NSDHL: variants seen among roughly 807,000 people sequenced by gnomAD.
NSDHL encodes the protein NAD(P) dependent 3-beta-hydroxysteroid dehydrogenase NSDHL.
A neutral mutation model predicts 23.0 loss-of-function variants in NSDHL; 1 was observed. The observed-to-expected ratio is 0.04, with a 90% CI of 0.02 to 0.21. NSDHL has a LOEUF of 0.21. NSDHL is among the 10% of genes least tolerant of loss of function. The pLI is 1.00. For missense variants in NSDHL, 237 were observed against 300.9 expected, an observed-to-expected ratio of 0.79 and a Z score of 1.57; for synonymous variants, 128 against 121.1, an observed-to-expected ratio of 1.06 and a Z score of -0.37.
intron 1 of NSDHL, among the ~76,000 whole-genome samples, chrX:152,834,761 C>G (rs145225683): frequency 7.2e-4 from 81 of 112,644 alleles, no homozygotes; most frequent in African/African-American, 2.6e-3. Flanking sequence ...CTTTTATAAT[C>G]CAAGGCTTAG....
chrX:152,846,266 T>A lies in NSDHL; in HGVS notation c.-43-16T>A, dbSNP rs1218497630. On this transcript the variant is annotated splice_polypyrimidine_tract_variant and intron_variant, in intron 1 of 7. Transcript: ENST00000370274. ...CTTAGGCAACATTAATGTCTGTCTC[T>A]AACTATGTCTTTAAGAAAAGAAAAG... is the stretch of plus-strand genomic sequence containing the variant. The A allele has an allele frequency of 1.1e-6, 1 of 884,268 alleles. No homozygotes were observed. Among genetic ancestry groups the A allele is most frequent in the African/African-American group, 2.0e-5 (1 of 51,207 alleles). The allele number at this position is 884,268 out of a possible 1,213,427, so 72.9% of individuals were successfully genotyped here. A position where few individuals can be genotyped will look rare whatever the true frequency, so the allele number is the denominator to read the frequency against.
Position 152,868,124 on chromosome X carries a change from G to T in NSDHL, c.789+451G>T, listed in dbSNP as rs374125064. On this transcript the variant is annotated intron_variant, in intron 7 of 7. Coordinates refer to ENST00000370274, the MANE Select transcript of NSDHL (RefSeq NM_015922.3). Reference sequence around the variant, plus strand: ...CCTTCAAATAAGTTGGGAATAGGGTGGGTGTGGCATTTTTTTTTTCTTTTT... The same window carrying T: ...CCTTCAAATAAGTTGGGAATAGGGTTGGTGTGGCATTTTTTTTTTCTTTTT... 1.9e-4 allele frequency among the ~76,000 whole-genome samples: 21 copies of T among 109,585 alleles called. No individual in the cohort carries two copies. In the South Asian group the frequency reaches 7.5e-3, roughly 39 times the overall value.
At chrX:152,864,445 C>G (rs1181690415) in intron 5 of NSDHL, among the ~76,000 whole-genome samples, 1 of 112,133 alleles carries the variant, frequency 8.9e-6, no homozygotes, top group African/African-American at 3.2e-5. Context: ...TATTCTCAAC[C>G]CAATATGCCT....
chrX:152,853,128 C>CGTGTGTGTGTGTGT lies in NSDHL; in HGVS notation c.267+2717_267+2730dup, dbSNP rs35307183. Among the ~76,000 whole-genome samples the CGTGTGTGTGTGTGT allele has an allele frequency of 2.2e-3, 214 of 97,149 alleles. 2 individuals are homozygous for CGTGTGTGTGTGTGT. The highest frequency in any genetic ancestry group is 0.015 in the South Asian group (26 of 1,750). 84.4% of individuals were successfully genotyped at this position (97,149 alleles called of 115,157 possible). A position where few individuals can be genotyped will look rare whatever the true frequency, so the allele number is the denominator to read the frequency against. On this transcript the variant is annotated intron_variant, in intron 3 of 7. Transcript: ENST00000370274. ...CTCCAACCCCTAGCTCTCTCAGGCA[C>CGTGTGTGTGTGTGT]GTGTGTGTGTGTGTGTGTGTGTGTG...
chrX:152,838,149 A>G (rs782021597), intron 1 of NSDHL, among the ~76,000 whole-genome samples: 3 of 111,207 alleles, frequency 2.7e-5, no homozygotes, highest in East Asian at 5.6e-4. Context: ...GATATCTCCT[A>G]TATCATTTTT....
At chrX:152,862,456 C>T in intron 4 of NSDHL, 140 bp from the exon 5 acceptor site, 1 of 541,720 alleles carries the variant, frequency 1.8e-6, no homozygotes, top group Non-Finnish European at 3.2e-6. Flanking sequence ...AAAGCAAAGG[C>T]ATTGCAGCAA....
chrX:152,858,871 T>G lies in NSDHL; in HGVS notation c.369T>G (p.Ile123Met). 8.3e-7 allele frequency: 1 copy of G among 1,207,130 alleles called. No homozygotes were observed. Among genetic ancestry groups the G allele is most frequent in the Non-Finnish European group, 1.1e-6 (1 of 891,219 alleles). Residue 123 changes from isoleucine to methionine, a missense_variant, in exon 4 of 8, where the codon ATT becomes ATG. Physicochemically the swap from Ile to Met is conservative, Grantham distance 10. This residue lies in a region of NSDHL where 81 missense variants were observed against 103.3 expected (regional missense o/e 0.78). Coordinates refer to ENST00000370274, the MANE Select transcript of NSDHL (RefSeq NM_015922.3). Reference sequence around the variant, plus strand: ...AGCTCTTTTATAGAGTGAATTACATTGGCACCAAGAATGTCATTGAAACTT... The same window carrying G: ...AGCTCTTTTATAGAGTGAATTACATGGGCACCAAGAATGTCATTGAAACTT... ...NKELFYRVNY[I>M]GTKNVIETCK...
At chrX:152,861,857 A>T (rs1569474687) in intron 4 of NSDHL, among the ~76,000 whole-genome samples, 1 of 112,454 alleles carries the variant, frequency 8.9e-6, no homozygotes, top group Non-Finnish European at 1.9e-5. Flanking sequence ...CCAAACGCTA[A>T]TATTTTCTAC....
chrX:152,851,634 C>G (rs1362516461), intron 3 of NSDHL, among the ~76,000 whole-genome samples: 2 of 110,718 alleles, frequency 1.8e-5, no homozygotes, highest in Non-Finnish European at 3.8e-5. Context: ...TCATGCTCAT[C>G]ATTGCTGCCT....
In NSDHL at chrX:152,869,087, A is replaced by C. The variant is rs1933664421; in HGVS notation, c.1093A>C (p.Ser365Arg). 8.3e-7 allele frequency: 1 copy of C among 1,210,219 alleles called. No individual in the cohort carries two copies. The highest frequency in any genetic ancestry group is 1.1e-6 in the Non-Finnish European group (1 of 894,940). The change falls in exon 8 of 8, where the codon AGC (serine) becomes CGC (arginine). Residue 365 changes from serine to arginine, a missense_variant. This residue lies in a region of NSDHL where 117 missense variants were observed against 99.5 expected (regional missense o/e 1.18). Transcript: ENST00000370274. ...TGATGCTATGGAGAGGACCGTGCAG[A>C]GCTTTCGCCACCTGCGGAGGGTCAA... ...MDDAMERTVQ[S>R]FRHLRRVK
Position 152,836,537 on chromosome X carries a change from C to T in NSDHL, c.-44+5420C>T, listed in dbSNP as rs1021399033. Among the ~76,000 whole-genome samples the T allele has an allele frequency of 1.2e-3, 131 of 111,945 alleles. 1 individual carries two copies. Among genetic ancestry groups the T allele is most frequent in the Non-Finnish European group, 1.9e-3 (102 of 53,131 alleles). On this transcript the variant is annotated intron_variant, in intron 1 of 7. Transcript: ENST00000370274. ...TCTCCATATGGCTAGCCAGTTTTCC[C>T]AGCACCATTTATTAAATAGGGAATC...
In NSDHL at chrX:152,850,259, C is replaced by T. The variant is rs782069337; in HGVS notation, c.109-6C>T. 2.5e-6 allele frequency: 3 copies of T among 1,209,098 alleles called. No individual in the cohort carries two copies. The highest frequency in any genetic ancestry group is 3.4e-6 in the Non-Finnish European group (3 of 894,135). ...GGTCTTCCCCACCGTTCCTCTCTTT[C>T]CACAGGCCAAGAGATGCACAGTGAT... On this transcript the variant is annotated splice_polypyrimidine_tract_variant and splice_region_variant and intron_variant, in intron 2 of 7. Coordinates refer to ENST00000370274, the MANE Select transcript of NSDHL (RefSeq NM_015922.3).
chrX:152,860,727 T>TA (rs377030709), intron 4 of NSDHL, among the ~76,000 whole-genome samples: 4 of 110,302 alleles, frequency 3.6e-5, no homozygotes, highest in African/African-American at 1.3e-4. Context: ...AAAAAAAAAT[T>TA]AAAAAAACAA....
intron 4 of NSDHL, among the ~76,000 whole-genome samples, chrX:152,859,550 C>T (rs1172195047): frequency 8.9e-6 from 1 of 112,178 alleles, no homozygotes; most frequent in Non-Finnish European, 1.9e-5. Context: ...TAGCATGTGT[C>T]GGAATGTCCT....
chrX:152,854,519 C>T (rs968133103), intron 3 of NSDHL, among the ~76,000 whole-genome samples: 11 of 110,292 alleles, frequency 1.0e-4, no homozygotes, highest in Non-Finnish European at 1.9e-4. Flanking sequence ...AAGCGATGCT[C>T]CTGCCTCAGC....
chrX:152,858,745 A>T (rs1569474351), intron 3 of NSDHL, 25 bp from the exon 4 acceptor site: 3 of 1,204,328 alleles, frequency 2.5e-6, no homozygotes, highest in Non-Finnish European at 2.2e-6. Context: ...AGGAATGATT[A>T]TTTTGTCTTT....
Position 152,853,128 on chromosome X carries a change from C to CGTGTGTGTGTGTGTGTGTGT in NSDHL, c.267+2711_267+2730dup, listed in dbSNP as rs35307183. ...CTCCAACCCCTAGCTCTCTCAGGCA[C>CGTGTGTGTGTGTGTGTGTGT]GTGTGTGTGTGTGTGTGTGTGTGTG... On this transcript the variant is annotated intron_variant, in intron 3 of 7. Coordinates refer to ENST00000370274, the MANE Select transcript of NSDHL (RefSeq NM_015922.3). Among the ~76,000 whole-genome samples, 114 of 97,155 alleles carry CGTGTGTGTGTGTGTGTGTGT rather than the reference C, an allele frequency of 1.2e-3. 1 individual carries two copies. The highest frequency in any genetic ancestry group is 4.1e-3 in the African/African-American group (108 of 26,337). 84.4% of individuals were successfully genotyped at this position (97,155 alleles called of 115,157 possible).
chrX:152,851,169 C>T (rs928702730), intron 3 of NSDHL, among the ~76,000 whole-genome samples: 8 of 112,329 alleles, frequency 7.1e-5, no homozygotes, highest in African/African-American at 2.6e-4. Flanking sequence ...TCCATATCCA[C>T]AATGTGGCAC....
chrX:152,844,952 T>A (rs150178518), intron 1 of NSDHL, among the ~76,000 whole-genome samples: 2,425 of 111,857 alleles, frequency 0.022, 61 homozygotes, highest in African/African-American at 0.074. Flanking sequence ...GAATGAACAG[T>A]TGACAGGGCC....
Sources: gnomAD v4.1 joint callset for allele counts (sites outside exome capture counted in the v4.1 genomes callset) on GRCh38, gnomAD v4.1.1 for gene constraint, gnomAD v4.1.1 regional missense constraint, MANE v1.5 for transcripts, NCBI Gene and HGNC (gene_info 2026-07-23, HGNC 2026-07-21) for gene names.